The following AKT3 variants were observed in gnomAD, a reference collection of about 807,000 sequenced individuals.
AKT3 encodes AKT serine/threonine kinase 3.
AKT3 carries 15 observed loss-of-function variants against 65.3 expected under a neutral mutation model. That is an observed-to-expected ratio of 0.23 (90% confidence interval 0.15 to 0.35). AKT3 has a LOEUF of 0.35. Among genes scored for constraint, AKT3 ranks in the 10% least tolerant of loss-of-function variants. The pLI is 1.00. For synonymous variants in AKT3, 206 were observed against 183.8 expected, an observed-to-expected ratio of 1.12 and a Z score of -0.98; for missense variants, 243 against 576.5, an observed-to-expected ratio of 0.42 and a Z score of 5.92.
intron 2 of AKT3, among the ~76,000 whole-genome samples, chr1:243,802,301 C>G (rs530778371): frequency 6.6e-6 from 1 of 152,230 alleles, no homozygotes; most frequent in East Asian, 1.9e-4. Flanking sequence ...CCCCTCTACG[C>G]TACATGACAT....
intron 8 of AKT3, among the ~76,000 whole-genome samples, chr1:243,584,588 A>G (rs1675653784): frequency 6.6e-6 from 1 of 152,232 alleles, no homozygotes; most frequent in African/African-American, 2.4e-5. Flanking sequence ...AAGTTAATTC[A>G]CCATGATCAA....
At chr1:243,686,008 G>A (rs1011993423) in intron 3 of AKT3, among the ~76,000 whole-genome samples, 1 of 152,114 alleles carries the variant, frequency 6.6e-6, no homozygotes, top group African/African-American at 2.4e-5. Flanking sequence ...ATTCACAATT[G>A]CTACAAAGAG....
At chr1:243,618,209 C>T (rs987012564) in intron 6 of AKT3, among the ~76,000 whole-genome samples, 2 of 151,894 alleles carry the variant, frequency 1.3e-5, no homozygotes, top group Non-Finnish European at 2.9e-5. Context: ...ATCCAAGGAA[C>T]CAAGTAAAGA....
intron 12 of AKT3, among the ~76,000 whole-genome samples, chr1:243,523,261 AC>A (rs1235967705): frequency 2.3e-4 from 1 of 4,402 alleles, no homozygotes; most frequent in Non-Finnish European, 4.6e-4. Flanking sequence ...AAAAGGACGA[AC>A]ACACACACAC....
At chr1:243,677,705 AG>A (rs1467745229) in intron 3 of AKT3, among the ~76,000 whole-genome samples, 1 of 152,172 alleles carries the variant, frequency 6.6e-6, no homozygotes, top group Admixed American at 6.5e-5. Flanking sequence ...AAAAATAAAA[AG>A]GTAGGTCTAC....
At chr1:243,761,814 T>C (rs917791474) in intron 2 of AKT3, among the ~76,000 whole-genome samples, 2 of 152,180 alleles carry the variant, frequency 1.3e-5, no homozygotes, top group African/African-American at 4.8e-5. Context: ...AAGATGAATG[T>C]ACTTTAAAAA....
intron 2 of AKT3, among the ~76,000 whole-genome samples, chr1:243,697,797 A>T (rs1413258729): frequency 6.6e-6 from 1 of 152,070 alleles, no homozygotes. Context: ...CTCAATTTCC[A>T]TCAGTGACAG....
At chr1:243,841,844 A>T (rs950764303) in intron 2 of AKT3, among the ~76,000 whole-genome samples, 2 of 152,200 alleles carry the variant, frequency 1.3e-5, no homozygotes, top group Admixed American at 1.3e-4. Flanking sequence ...CCATAAAAAA[A>T]AAGCTAATGA....
intron 5 of AKT3, among the ~76,000 whole-genome samples, chr1:243,644,638 A>T (rs933376687): frequency 1.3e-5 from 2 of 152,240 alleles, no homozygotes; most frequent in Non-Finnish European, 2.9e-5. Flanking sequence ...AAACATAAAC[A>T]TCACTCTAAA....
intron 2 of AKT3, among the ~76,000 whole-genome samples, chr1:243,789,646 T>C (rs1691493855): frequency 6.6e-6 from 1 of 152,210 alleles, no homozygotes; most frequent in South Asian, 2.1e-4. Flanking sequence ...TTCATGAATG[T>C]TCTTAATGGC....
intron 2 of AKT3, among the ~76,000 whole-genome samples, chr1:243,736,041 T>C (rs1174519480): frequency 6.6e-6 from 1 of 152,160 alleles, no homozygotes. Flanking sequence ...CTTTTTTTAA[T>C]CTGTAAAAAT....
At chr1:243,848,840 A>G (rs1172082693) in intron 1 of AKT3, among the ~76,000 whole-genome samples, 1 of 152,264 alleles carries the variant, frequency 6.6e-6, no homozygotes, top group Non-Finnish European at 1.5e-5. Context: ...AACTTCATCA[A>G]TTGCAAACTA....
chr1:243,843,322 T>A, intron 1 of AKT3, 40 bp from the exon 2 acceptor site: 2 of 1,379,772 alleles, frequency 1.4e-6, no homozygotes, highest in Non-Finnish European at 1.9e-6. Context: ...TTTTCCATTC[T>A]TGCAACTCAC....
chr1:243,718,574 C>T (rs1572222096), intron 2 of AKT3, among the ~76,000 whole-genome samples: 1 of 151,894 alleles, frequency 6.6e-6, no homozygotes, highest in Non-Finnish European at 1.5e-5. Context: ...CTCAGCCTCC[C>T]GAGGCTGCTA....
intron 10 of AKT3, among the ~76,000 whole-genome samples, chr1:243,554,449 G>C (rs952085715): frequency 6.6e-6 from 1 of 152,092 alleles, no homozygotes; most frequent in East Asian, 1.9e-4. Context: ...TCAGCGCAAA[G>C]AATGTCATAT....
In AKT3 at chr1:243,503,916, T is replaced by A. The variant is rs1558572148; in HGVS notation, c.*1333A>T. Reference sequence around the variant, plus strand: ...TTTTTGTTGCCAGGTCATCATAACGTTTCAAATTCTTAAATGAGCAAACGT... The same window carrying A: ...TTTTTGTTGCCAGGTCATCATAACGATTCAAATTCTTAAATGAGCAAACGT... On this transcript the variant is annotated 3_prime_UTR_variant, in exon 14 of 14. Transcript: ENST00000673466. 4.4e-6 allele frequency: 1 copy of A among 226,350 alleles called. No homozygotes were observed. Among genetic ancestry groups the A allele is most frequent in the Non-Finnish European group, 8.8e-6 (1 of 113,636 alleles). 14.0% of individuals were successfully genotyped at this position (226,350 alleles called of 1,614,324 possible). A position where few individuals can be genotyped will look rare whatever the true frequency, so the allele number is the denominator to read the frequency against.
At chr1:243,632,218 AAAT>A (rs768098746) in intron 6 of AKT3, among the ~76,000 whole-genome samples, 2 of 152,194 alleles carry the variant, frequency 1.3e-5, no homozygotes, top group Admixed American at 6.5e-5. Context: ...TGTATTTCTT[AAAT>A]AATAAGACTT....
At position 243,717,402 on chromosome 1, in the gene AKT3, G is replaced by C. The variant is rs985593031; in HGVS notation, c.47-21686C>G. ...ACTGGCAGACTCCACCTGATAAACA[G>C]GCTGGGTTCCAATGGTCATTGTCAG... On this transcript the variant is annotated intron_variant, in intron 2 of 13. Transcript: ENST00000673466. 1.2e-4 allele frequency among the ~76,000 whole-genome samples: 18 copies of C among 152,108 alleles called. No individual in the cohort carries two copies. The East Asian group carries it at 3.5e-3, about 29-fold the overall frequency.
At chr1:243,612,734 C>A (rs745591341) in intron 8 of AKT3, 1 of 152,164 alleles carries the variant, frequency 6.6e-6, no homozygotes, top group Non-Finnish European at 1.5e-5. Flanking sequence ...AAAATATTGT[C>A]AGTCTCTTAA....
Sources: allele counts gnomAD v4.1 joint callset (sites outside exome capture counted in the v4.1 genomes callset), GRCh38; gene constraint gnomAD v4.1.1; transcripts MANE v1.5; gene names NCBI Gene and HGNC (gene_info 2026-07-23, HGNC 2026-07-21).